KCNH2: variants seen among roughly 807,000 people sequenced by gnomAD.
KCNH2 encodes the protein potassium voltage-gated channel subfamily H member 2, also known as voltage-gated inwardly rectifying potassium channel KCNH2.
In KCNH2, 35 loss-of-function variants were observed where a neutral mutation model predicts 95.9. The observed-to-expected ratio is 0.37, with a 90% CI of 0.28 to 0.48. The LOEUF (loss-of-function observed/expected upper bound fraction) is 0.48. Among genes scored for constraint, KCNH2 ranks in the 20% least tolerant of loss-of-function variants. The probability of loss-of-function intolerance (pLI) is 0.99; values close to 1 mark genes in which losing one functional copy is unlikely to be tolerated. For missense variants in KCNH2, 1,274 were observed against 1,702.9 expected (o/e 0.75, Z 4.43); for synonymous variants, 786 against 754.7 (o/e 1.04, Z -0.68).
At chr7:150,955,518 C>T in intron 5 of KCNH2, 1 of 1,538,464 alleles carries the variant, frequency 6.5e-7, no homozygotes, top group Non-Finnish European at 8.8e-7. Flanking sequence ...GACTTGGCTC[C>T]CTGCAGCCTG....
chr7:150,954,456 G>A (rs1050116157), intron 5 of KCNH2, among the ~76,000 whole-genome samples: 9 of 152,132 alleles, frequency 5.9e-5, no homozygotes, highest in African/African-American at 1.7e-4. Flanking sequence ...ACTGCCCCAG[G>A]GTACAAACTC....
At chr7:150,950,490 A>G in intron 8 of KCNH2, 70 bp from the exon 9 acceptor site, 2 of 1,562,746 alleles carry the variant, frequency 1.3e-6, no homozygotes, top group South Asian at 1.1e-5. Context: ...CTACTCCACC[A>G]TCCCACCCCT....
At chr7:150,953,434 C>A (rs1185379435) in intron 5 of KCNH2, among the ~76,000 whole-genome samples, 2 of 152,318 alleles carry the variant, frequency 1.3e-5, no homozygotes, top group Non-Finnish European at 2.9e-5. Context: ...CCTCTCCACA[C>A]AGGTCCGGGA....
At position 150,959,559 on chromosome 7, in the gene KCNH2, C is replaced by T; in HGVS notation, c.472+13G>A. On this transcript the variant is annotated intron_variant, in intron 3 of 14. Coordinates refer to ENST00000262186, the MANE Select transcript of KCNH2 (RefSeq NM_000238.4). ...ACGAACCCCTGAGCCTGCCCTAAAG[C>T]AAGTACACTTACCTGGGGCCAGCCA... The T allele has an allele frequency of 6.2e-7, 1 of 1,613,954 alleles. No individual in the cohort carries two copies. The highest frequency in any genetic ancestry group is 8.5e-7 in the Non-Finnish European group (1 of 1,179,874).
At chr7:150,968,609 T>C (rs955245591) in intron 2 of KCNH2, among the ~76,000 whole-genome samples, 1 of 152,164 alleles carries the variant, frequency 6.6e-6, no homozygotes, top group Non-Finnish European at 1.5e-5. Flanking sequence ...ATTTGAACGG[T>C]TGCCTATGGG....
In KCNH2 at chr7:150,945,649, A is replaced by T; in HGVS notation, c.3331-135T>A. On this transcript the variant is annotated intron_variant, in intron 14 of 14. Transcript: ENST00000262186. The surrounding 1 kb of genome is among the most constrained non-coding windows in gnomAD (Gnocchi z 5.6). ...GCCAAGAGGAGAGTCAGGTGGGCAGAGAAGCTGGAGGGGACAAGAGCCAAG... is the reference window on the plus strand; with the variant it reads ...GCCAAGAGGAGAGTCAGGTGGGCAGTGAAGCTGGAGGGGACAAGAGCCAAG... The T allele has an allele frequency of 1.1e-6, 1 of 941,888 alleles. No individual in the cohort carries two copies. The highest frequency in any genetic ancestry group is 1.4e-5 in the South Asian group (1 of 69,828). 58.3% of individuals were successfully genotyped at this position (941,888 alleles called of 1,614,324 possible). A position where few individuals can be genotyped will look rare whatever the true frequency, so the allele number is the denominator to read the frequency against.
At chr7:150,963,396 C>G (rs1801619639) in intron 2 of KCNH2, among the ~76,000 whole-genome samples, 1 of 152,168 alleles carries the variant, frequency 6.6e-6, no homozygotes, top group African/African-American at 2.4e-5. Flanking sequence ...CTGCCCACCC[C>G]CTAGGGCCGT....
intron 2 of KCNH2, 128 bp from the exon 3 acceptor site, chr7:150,959,864 C>T (rs1801506807): frequency 2.1e-5 from 22 of 1,030,848 alleles, no homozygotes; most frequent in African/African-American, 4.7e-5. Context: ...CCTTCCTCTC[C>T]GGGATCTCCC....
In KCNH2 at chr7:150,974,883, G is replaced by A. The variant is rs1422251865; in HGVS notation, c.135C>T (p.Asn45=). Residue 45 remains asparagine (N), a synonymous_variant, in exon 2 of 15, where the codon AAC becomes AAT. Coordinates refer to ENST00000262186, the MANE Select transcript of KCNH2 (RefSeq NM_000238.4). ...RVENCAVIYC[N]DGFCELCGYS... is the part of the protein sequence containing the mutation. ...AGCCGCACAGCTCGCAGAAGCCGTC[G>A]TTGCAGTAGATGACGGCGCAGTTCT... 4 of 1,612,106 alleles carry A rather than the reference G, an allele frequency of 2.5e-6. No individual in the cohort carries two copies. The highest frequency in any genetic ancestry group is 2.5e-6 in the Non-Finnish European group (3 of 1,179,370).
intron 2 of KCNH2, among the ~76,000 whole-genome samples, chr7:150,971,120 A>C (rs999886706): frequency 1.3e-5 from 2 of 152,232 alleles, no homozygotes; most frequent in Non-Finnish European, 2.9e-5. Flanking sequence ...GAAGAAGGCA[A>C]GGAAGAAGAC....
In KCNH2 at chr7:150,950,860, C is replaced by A. The variant is rs1801120581; in HGVS notation, c.2145+61G>T. ...GACTTGTTTGCTGTGCCAAGAGGTT[C>A]CCCTCTGCCACCCCACTCTTCCCAG... On this transcript the variant is annotated intron_variant, in intron 8 of 14. Coordinates refer to ENST00000262186, the MANE Select transcript of KCNH2 (RefSeq NM_000238.4). 3.9e-6 allele frequency: 6 copies of A among 1,534,630 alleles called. No homozygotes were observed. In the South Asian group the frequency reaches 4.5e-5, roughly 11 times the overall value.
At chr7:150,957,649 G>C (rs748194678) in intron 4 of KCNH2, 147 bp from the exon 5 acceptor site, 7 of 708,486 alleles carry the variant, frequency 9.9e-6, no homozygotes, top group Non-Finnish European at 1.5e-5. Flanking sequence ...CAAGAAACAA[G>C]AGAGGTCAGA....
In KCNH2 at chr7:150,957,383, C is replaced by T. The variant is rs1420621400; in HGVS notation, c.1036G>A (p.Asp346Asn). The change falls in exon 5 of 15, where the codon GAC (aspartate) becomes AAC (asparagine). Residue 346 changes from aspartate to asparagine, a missense_variant. Physicochemically the swap from Asp to Asn is conservative, Grantham distance 23. Around this residue, in one of 7 missense-constraint regions of KCNH2, gnomAD observed 392 missense variants for 429.9 expected, o/e 0.91. Transcript: ENST00000262186. ...ITLNFVDLKGDPFLASPTSDR... is the reference protein window; with the variant it reads ...ITLNFVDLKGNPFLASPTSDR... ...CTGGTGGGCGAAGCCAAGAAGGGGTCGCCCTTGAGGTCCACAAAGTTGAGG... is the reference window on the plus strand; with the variant it reads ...CTGGTGGGCGAAGCCAAGAAGGGGTTGCCCTTGAGGTCCACAAAGTTGAGG... 2.5e-6 allele frequency: 4 copies of T among 1,614,042 alleles called. No homozygotes were observed. The highest frequency in any genetic ancestry group is 2.2e-5 in the East Asian group (1 of 44,878).
In KCNH2 at chr7:150,973,344, G is replaced by A. The variant is rs543746634; in HGVS notation, c.307+1367C>T. On this transcript the variant is annotated intron_variant, in intron 2 of 14. Coordinates refer to ENST00000262186, the MANE Select transcript of KCNH2 (RefSeq NM_000238.4). ...ACAGATGTGGGCTCCGTTCCCAACTGCTATTTTCTAGCTGTGTGACTGTGT... is the reference window on the plus strand; with the variant it reads ...ACAGATGTGGGCTCCGTTCCCAACTACTATTTTCTAGCTGTGTGACTGTGT... 4.4e-4 allele frequency among the ~76,000 whole-genome samples: 67 copies of A among 152,302 alleles called. 1 individual carries two copies. Among genetic ancestry groups the A allele is most frequent in the African/African-American group, 1.5e-3 (61 of 41,550 alleles).
In KCNH2 at chr7:150,945,076, A is replaced by C. The variant is rs1800842112; in HGVS notation, c.*289T>G. ...GCAGTAAATAGCAGAAAAGTCCTTG[A>C]GGTGCCTAAGGCCCAGGGCCGGGTG... On this transcript the variant is annotated 3_prime_UTR_variant, in exon 15 of 15. Coordinates refer to ENST00000262186, the MANE Select transcript of KCNH2 (RefSeq NM_000238.4). The surrounding 1 kb of genome is among the most constrained non-coding windows in gnomAD (Gnocchi z 5.6). 2.2e-6 allele frequency: 1 copy of C among 447,202 alleles called. No individual in the cohort carries two copies. Among genetic ancestry groups the C allele is most frequent in the African/African-American group, 1.9e-5 (1 of 51,530 alleles). The allele number at this position is 447,202 out of a possible 1,614,324, so 27.7% of individuals were successfully genotyped here.
intron 2 of KCNH2, among the ~76,000 whole-genome samples, chr7:150,972,575 C>T (rs917303050): frequency 3.3e-5 from 5 of 152,180 alleles, no homozygotes; most frequent in African/African-American, 7.2e-5. Flanking sequence ...ACCTGAGCCC[C>T]GTGGAAACTA....
chr7:150,963,361 C>T (rs946278486), intron 2 of KCNH2, among the ~76,000 whole-genome samples: 9 of 152,136 alleles, frequency 5.9e-5, no homozygotes, highest in East Asian at 1.9e-4. Flanking sequence ...AGCCCCGGGG[C>T]GCTCATCTGC....
In KCNH2 at chr7:150,955,461, G is replaced by A. The variant is rs778819756; in HGVS notation, c.1128+1830C>T. The A allele has an allele frequency of 4.2e-5, 66 of 1,561,606 alleles. 1 individual carries two copies. In the East Asian group the frequency reaches 6.5e-4, roughly 15 times the overall value. ...ACCCGGCCTTTCTGGGCCCTGGGCC[G>A]CAGAGCCCCTGTCCTGCTCGCCTTC... On this transcript the variant is annotated intron_variant, in intron 5 of 14. Coordinates refer to ENST00000262186, the MANE Select transcript of KCNH2 (RefSeq NM_000238.4).
chr7:150,975,694 A>C (rs1801965705), intron 1 of KCNH2, among the ~76,000 whole-genome samples: 1 of 152,234 alleles, frequency 6.6e-6, no homozygotes, highest in Non-Finnish European at 1.5e-5. Context: ...ACCATGCCCA[A>C]GTCTTGCAGC....
Sources: allele counts gnomAD v4.1 joint callset (sites outside exome capture counted in the v4.1 genomes callset), GRCh38; gene constraint gnomAD v4.1.1; regional missense constraint gnomAD v4.1.1; non-coding constraint Gnocchi (gnomAD v3.1); transcripts MANE v1.5; gene names NCBI Gene and HGNC (gene_info 2026-07-23, HGNC 2026-07-21).